The following SLC41A1 variants were observed in gnomAD, a reference collection of about 807,000 sequenced individuals.
The protein encoded by SLC41A1 is solute carrier family 41 member 1, also known as solute carrier family 41 (magnesium transporter), member 1.
Under a neutral mutation model 47.3 loss-of-function variants are expected in SLC41A1, and 20 were observed. The ratio of observed to expected loss-of-function variants is 0.42; its 90% confidence interval spans 0.30 to 0.61. The LOEUF is 0.61. Among genes scored for constraint, SLC41A1 ranks in the 20% least tolerant of loss-of-function variants. The pLI is 0.17. For missense variants in SLC41A1, 504 were observed against 674.1 expected (o/e 0.75, Z 2.79); for synonymous variants, 282 against 272.7 (o/e 1.03, Z -0.34).
chr1:205,796,304 T>C (rs1467059734), intron 8 of SLC41A1: 3 of 166,010 alleles, frequency 1.8e-5, no homozygotes, highest in Non-Finnish European at 2.6e-5. Context: ...GGTTTGAATA[T>C]AGTTTGTCCC....
Position 205,795,371 on chromosome 1 carries a change from T to C in SLC41A1, c.1180A>G (p.Ser394Gly), listed in dbSNP as rs1655723111. 1.2e-6 allele frequency: 2 copies of C among 1,614,086 alleles called. No individual in the cohort carries two copies. Among genetic ancestry groups the C allele is most frequent in the South Asian group, 2.2e-5 (2 of 91,084 alleles). ...NSEQAPRRCP[S>G]PCTTFFSPDV... ...GGGCTGAAGAAGGTGGTACAAGGAC[T>C]GGGACAGCGGCGAGGAGCTTGCTCA... The change falls in exon 9 of 11, where the codon AGT (serine) becomes GGT (glycine). Residue 394 changes from serine (S) to glycine (G), a missense_variant. Physicochemically the swap from Ser to Gly is moderately conservative, Grantham distance 56. Around this residue, in one of 2 missense-constraint regions of SLC41A1, gnomAD observed 421 missense variants for 601.6 expected, o/e 0.70. Coordinates refer to ENST00000367137, the MANE Select transcript of SLC41A1 (RefSeq NM_173854.6).
At chr1:205,807,648 G>GTTTTTTTTTTTT (rs1170069554) in intron 2 of SLC41A1, among the ~76,000 whole-genome samples, 2 of 100,124 alleles carry the variant, frequency 2.0e-5, no homozygotes, top group African/African-American at 3.4e-5. Flanking sequence ...TCCTCGTAGA[G>GTTTTTTTTTTTT]TCTTTTTTTT....
In SLC41A1 at chr1:205,791,397, G is replaced by T; in HGVS notation, c.*136C>A. ...GGCTCAATGTATAAAAATTCCCATT[G>T]AAAATAATGAGAATTTGGTATCAAA... On this transcript the variant is annotated 3_prime_UTR_variant, in exon 11 of 11. Transcript: ENST00000367137. This position sits in a 1 kb window ranked among gnomAD's most constrained non-coding sequence, Gnocchi z 4.0. The T allele has an allele frequency of 8.9e-7, 1 of 1,122,650 alleles. No homozygotes were observed. The highest frequency in any genetic ancestry group is 1.3e-6 in the Non-Finnish European group (1 of 761,538). The allele number at this position is 1,122,650 out of a possible 1,614,324, so 69.5% of individuals were successfully genotyped here.
chr1:205,792,733 C>T (rs993741185), intron 10 of SLC41A1, among the ~76,000 whole-genome samples: 4 of 152,170 alleles, frequency 2.6e-5, no homozygotes, highest in East Asian at 1.9e-4. Context: ...ACTGCATCTG[C>T]GTGAGAATGA....
Position 205,791,603 on chromosome 1 carries a change from G to T in SLC41A1, c.1472C>A (p.Thr491Asn). The change falls in exon 11 of 11, where the codon ACT becomes AAT. Residue 491 changes from threonine (T) to asparagine (N), a missense_variant. Physicochemically the swap from Thr to Asn is moderately conservative, Grantham distance 65. This residue lies in a region of SLC41A1 where 421 missense variants were observed against 601.6 expected (regional missense o/e 0.70). Transcript: ENST00000367137. The surrounding 1 kb of genome is among the most constrained non-coding windows in gnomAD (Gnocchi z 4.0). ...ATGGAAGCTGAGTGCTAGGAGCCCA[G>T]TGCCAAGCAGGTCCCCCAGAGCAGT... is the stretch of plus-strand genomic sequence containing the variant. ...YLTALGDLLG[T>N]GLLALSFHVL... 6.2e-7 allele frequency: 1 copy of T among 1,614,196 alleles called. No individual in the cohort carries two copies. The highest frequency in any genetic ancestry group is 8.5e-7 in the Non-Finnish European group (1 of 1,180,020).
chr1:205,811,605 G>A (rs1320026507), intron 1 of SLC41A1, among the ~76,000 whole-genome samples: 1 of 152,250 alleles, frequency 6.6e-6, no homozygotes, highest in East Asian at 1.9e-4. Context: ...GGGAGAAACT[G>A]ATTGCTGAGT....
At chr1:205,809,987 A>G in intron 2 of SLC41A1, 83 bp downstream of exon 2, 2 of 1,582,932 alleles carry the variant, frequency 1.3e-6, no homozygotes, top group South Asian at 1.1e-5. Context: ...TCTGACAGGG[A>G]GGTAGAGAGG....
chr1:205,808,038 C>T (rs1438395407), intron 2 of SLC41A1, among the ~76,000 whole-genome samples: 2 of 152,030 alleles, frequency 1.3e-5, no homozygotes, highest in South Asian at 2.1e-4. Context: ...TCATTGCAGC[C>T]TCCACTTCTC....
intron 4 of SLC41A1, 49 bp downstream of exon 4, chr1:205,799,710 C>G (rs1255556319): frequency 6.3e-7 from 1 of 1,596,336 alleles, no homozygotes; most frequent in Non-Finnish European, 8.6e-7. Flanking sequence ...TCAGAGATTC[C>G]TGACTAAGGG....
At chr1:205,792,248 C>G (rs1655643298) in intron 10 of SLC41A1, among the ~76,000 whole-genome samples, 1 of 152,242 alleles carries the variant, frequency 6.6e-6, no homozygotes, top group African/African-American at 2.4e-5. Flanking sequence ...TCATCCCAAG[C>G]TGGCTTCCTC....
intron 6 of SLC41A1, 66 bp downstream of exon 6, chr1:205,798,603 G>C: frequency 6.2e-7 from 1 of 1,608,128 alleles, no homozygotes; most frequent in Non-Finnish European, 8.5e-7. Flanking sequence ...TTGCACATTT[G>C]CAAACTACTA....
chr1:205,812,577 G>C (rs1233427564), intron 1 of SLC41A1, among the ~76,000 whole-genome samples: 1 of 152,374 alleles, frequency 6.6e-6, no homozygotes, highest in East Asian at 1.9e-4. Context: ...ACTTCAGACA[G>C]GCCTAAGGCC....
intron 2 of SLC41A1, among the ~76,000 whole-genome samples, chr1:205,805,858 T>C (rs1312641875): frequency 6.6e-6 from 1 of 152,206 alleles, no homozygotes; most frequent in African/African-American, 2.4e-5. Context: ...GCTCATACAC[T>C]GACCCTGACC....
rs1420437879 is a variant in SLC41A1, at chr1:205,789,708, G to A, written c.*1825C>T. ...TACGGTTCTATGATTCCAGAAGGAG[G>A]CCTGGAGGTCTGGGTAGAAATGGAG... On this transcript the variant is annotated 3_prime_UTR_variant, in exon 11 of 11. Transcript: ENST00000367137. 1 of 152,252 alleles carries A rather than the reference G, an allele frequency of 6.6e-6. No individual in the cohort carries two copies. The highest frequency in any genetic ancestry group is 1.5e-5 in the Non-Finnish European group (1 of 68,072). 9.4% of individuals were successfully genotyped at this position (152,252 alleles called of 1,614,324 possible). A position where few individuals can be genotyped will look rare whatever the true frequency, so the allele number is the denominator to read the frequency against.
chr1:205,797,029 C>A (rs540504989), intron 7 of SLC41A1, 26 bp from the exon 8 acceptor site: 1 of 1,503,692 alleles, frequency 6.7e-7, no homozygotes, highest in African/African-American at 1.7e-5. Flanking sequence ...GACAAAATGA[C>A]GCAAAGACCA....
chr1:205,795,740 C>T, intron 8 of SLC41A1: 3 of 559,634 alleles, frequency 5.4e-6, no homozygotes, highest in South Asian at 4.0e-5. Flanking sequence ...CCATGTTCCC[C>T]TGGCAAAGCT....
chr1:205,802,427 T>C (rs1165940868), intron 2 of SLC41A1, among the ~76,000 whole-genome samples: 1 of 152,142 alleles, frequency 6.6e-6, no homozygotes, highest in Non-Finnish European at 1.5e-5. Context: ...TCGTTAAAGA[T>C]GAGCAGTGGC....
At chr1:205,812,412 C>T (rs1275923212) in intron 1 of SLC41A1, among the ~76,000 whole-genome samples, 1 of 152,196 alleles carries the variant, frequency 6.6e-6, no homozygotes, top group Non-Finnish European at 1.5e-5. Flanking sequence ...AGGAGGAAAC[C>T]TCTGAGTCCA....
At chr1:205,799,891 A>G in intron 3 of SLC41A1, 61 bp from the exon 4 acceptor site, 2 of 1,429,706 alleles carry the variant, frequency 1.4e-6, no homozygotes, top group Non-Finnish European at 9.8e-7. Context: ...AGCTCCATCC[A>G]TTAGGCTCCT....
Sources: gnomAD v4.1 joint callset for allele counts (sites outside exome capture counted in the v4.1 genomes callset) on GRCh38, gnomAD v4.1.1 for gene constraint, gnomAD v4.1.1 regional missense constraint, Gnocchi (gnomAD v3.1) non-coding constraint, MANE v1.5 for transcripts, NCBI Gene and HGNC (gene_info 2026-07-23, HGNC 2026-07-21) for gene names.